DEF8: variants seen among roughly 807,000 people sequenced by gnomAD.
DEF8 encodes DEF-8.
In DEF8, 38 loss-of-function variants were observed where a neutral mutation model predicts 59.1. The ratio of observed to expected loss-of-function variants is 0.64; its 90% CI spans 0.50 to 0.84. The LOEUF is 0.84. DEF8 is among the 40% of genes least tolerant of loss of function. The probability of loss-of-function intolerance (pLI) is 0.00; values close to 1 mark genes in which losing one functional copy is unlikely to be tolerated. For synonymous variants in DEF8, 265 were observed against 250.1 expected, an observed-to-expected ratio of 1.06 and a Z score of -0.56; for missense variants, 557 against 615.2, an observed-to-expected ratio of 0.91 and a Z score of 1.00.
intron 2 of DEF8, chr16:89,952,720 G>T (rs573261666): frequency 1.3e-5 from 2 of 152,412 alleles, no homozygotes; most frequent in South Asian, 2.1e-4. Context: ...GCCCACTCAC[G>T]TTCCCTGTGT....
chr16:89,964,792 C>A (rs1255479228), intron 12 of DEF8, among the ~76,000 whole-genome samples: 1 of 152,338 alleles, frequency 6.6e-6, no homozygotes, highest in South Asian at 2.1e-4. Flanking sequence ...AGGAGCGGCA[C>A]CTGGGGGATG....
At chr16:89,955,106 C>T in intron 3 of DEF8, 63 bp from the exon 4 acceptor site, 1 of 1,350,916 alleles carries the variant, frequency 7.4e-7, no homozygotes, top group African/African-American at 1.4e-5. Flanking sequence ...TCAGCTCCTC[C>T]CTAGGGGATG....
Position 89,963,491 on chromosome 16 carries a change from T to C in DEF8, c.1002+48T>C, listed in dbSNP as rs9940377. On this transcript the variant is annotated intron_variant, in intron 10 of 12. Transcript: ENST00000563594. ...CCCCCGATGGGAAGCGCAGCCAGGG[T>C]GGTGAGGCACCTCAGGCTCAGGTTT... The C allele has an allele frequency of 4.0e-3, 6,194 of 1,550,540 alleles. 256 individuals carry two copies. In the African/African-American group the frequency reaches 0.076, roughly 19 times the overall value.
At chr16:89,961,922 G>A (rs2034074485) in intron 8 of DEF8, 58 bp downstream of exon 8, 1 of 1,601,016 alleles carries the variant, frequency 6.2e-7, no homozygotes, top group East Asian at 2.2e-5. Context: ...AGGGGGTTGG[G>A]GTGTGGAGCC....
chr16:89,965,927 G>C lies in DEF8; in HGVS notation c.1320G>C (p.Ser440=). The change falls in exon 13 of 13, where the codon TCG becomes TCC. Residue 440 remains serine, a synonymous_variant. Transcript: ENST00000563594. ...CCCGGCTCAGCCTGAGGAAGCAGTCGCTCTTCCAGGAGCCAGGTCCCGATG... is the reference window on the plus strand; with the variant it reads ...CCCGGCTCAGCCTGAGGAAGCAGTCCCTCTTCCAGGAGCCAGGTCCCGATG... ...KCARLSLRKQ[S]LFQEPGPDVE... 1.9e-6 allele frequency: 3 copies of C among 1,613,514 alleles called. No homozygotes were observed. The highest frequency in any genetic ancestry group is 2.5e-6 in the Non-Finnish European group (3 of 1,179,704).
In DEF8 at chr16:89,954,664, G is replaced by A. The variant is rs1054526439; in HGVS notation, c.124+288G>A. Among the ~76,000 whole-genome samples, 6 of 152,174 alleles carry A rather than the reference G, an allele frequency of 3.9e-5. No individual in the cohort carries two copies. In the East Asian group the frequency reaches 5.8e-4, roughly 15 times the overall value. On this transcript the variant is annotated intron_variant, in intron 3 of 12. Coordinates refer to ENST00000563594, the MANE Select transcript of DEF8 (RefSeq NM_001242818.2). This position sits in a 1 kb window ranked among gnomAD's most constrained non-coding sequence, Gnocchi z 4.3. The stretch of plus-strand genomic sequence containing the variant: ...GGAACACTTGCTGAGTGCGGTCAGC[G>A]CTGAGACCTGGTAAGGGAGAGGTTA...
At chr16:89,958,722 G>A (rs997144961) in intron 5 of DEF8, among the ~76,000 whole-genome samples, 7 of 152,212 alleles carry the variant, frequency 4.6e-5, no homozygotes, top group Non-Finnish European at 7.3e-5. Context: ...AGGCCGGGTC[G>A]CTCCCGCTCA....
rs200532672 is a variant in DEF8 at position 89,963,316 on chromosome 16, C to G, written c.922-47C>G. On this transcript the variant is annotated intron_variant, in intron 9 of 12. Coordinates refer to ENST00000563594, the MANE Select transcript of DEF8 (RefSeq NM_001242818.2). ...GGTGTGCGGCCCACACAGGGGCCGCCCTGTGTCCTGGCTGAGGAGGCCTGC... is the reference window on the plus strand; with the variant it reads ...GGTGTGCGGCCCACACAGGGGCCGCGCTGTGTCCTGGCTGAGGAGGCCTGC... 1.8e-5 allele frequency: 28 copies of G among 1,578,214 alleles called. No homozygotes were observed. The African/African-American group carries it at 3.5e-4, about 20-fold the overall frequency.
At chr16:89,958,953 G>A (rs1319138939) in intron 5 of DEF8, 61 bp from the exon 6 acceptor site, 16 of 1,588,330 alleles carry the variant, frequency 1.0e-5, no homozygotes, top group Middle Eastern at 2.2e-4. Context: ...GGGCTTGTGC[G>A]AAGGGAAAGG....
At position 89,966,959 on chromosome 16, in the gene DEF8, A is replaced by G. The variant is rs2034636240; in HGVS notation, c.*996A>G. ...CAAGAGAGCTGAGAGTATTCGCTCG[A>G]CTGAGCACATTCAGGAAGATCAGGG... is the stretch of plus-strand genomic sequence containing the variant. On this transcript the variant is annotated 3_prime_UTR_variant, in exon 13 of 13. Coordinates refer to ENST00000563594, the MANE Select transcript of DEF8 (RefSeq NM_001242818.2). The G allele has an allele frequency of 2.8e-5, 7 of 249,296 alleles. No homozygotes were observed. Among genetic ancestry groups the G allele is most frequent in the Non-Finnish European group, 3.8e-5 (5 of 131,226 alleles). The allele number at this position is 249,296 out of a possible 1,614,324, so 15.4% of individuals were successfully genotyped here.
chr16:89,960,927 C>A lies in DEF8; in HGVS notation c.515-4C>A. 1.9e-6 allele frequency: 3 copies of A among 1,612,974 alleles called. No individual in the cohort carries two copies. The highest frequency in any genetic ancestry group is 2.5e-6 in the Non-Finnish European group (3 of 1,179,656). ...TTTGAGAAGTGTGTGTCCCTCCACC[C>A]TAGGGTGTTATTACCGCTGTCACAG... On this transcript the variant is annotated splice_polypyrimidine_tract_variant and splice_region_variant and intron_variant, in intron 6 of 12. Coordinates refer to ENST00000563594, the MANE Select transcript of DEF8 (RefSeq NM_001242818.2).
At position 89,948,858 on chromosome 16, in the gene DEF8, G is replaced by A. The variant is rs557539711; in HGVS notation, c.-108+44G>A. 603 of 743,440 alleles carry A rather than the reference G, an allele frequency of 8.1e-4. 28 individuals carry two copies. In the African/African-American group the frequency reaches 0.019, roughly 23 times the overall value. The allele number at this position is 743,440 out of a possible 1,614,324, so 46.1% of individuals were successfully genotyped here. A position where few individuals can be genotyped will look rare whatever the true frequency, so the allele number is the denominator to read the frequency against. ...GCGGGGTCGGGGCCGGCGGGGACGG[G>A]GCCGGCGGGGACGGGGCCGGCGGGG... On this transcript the variant is annotated intron_variant, in intron 1 of 12. Coordinates refer to ENST00000563594, the MANE Select transcript of DEF8 (RefSeq NM_001242818.2).
chr16:89,961,981 G>A (rs1473288482), intron 8 of DEF8, 31 bp from the exon 9 acceptor site: 7 of 1,612,138 alleles, frequency 4.3e-6, no homozygotes, highest in Non-Finnish European at 5.9e-6. Flanking sequence ...CTGGGTGGGT[G>A]TGAGAGGTGT....
chr16:89,957,550 G>A lies in DEF8; in HGVS notation c.262G>A (p.Ala88Thr). The change falls in exon 5 of 13, where the codon GCG becomes ACG. Residue 88 changes from alanine (A) to threonine (T), a missense_variant. By Grantham distance (58) the Ala-to-Thr change is moderately conservative. Transcript: ENST00000563594. ...CTCTGACGTCCAGCAGCTGCGGCAG[G>A]CGATCGAGGAGTGCAAGCAGGTGAT... ...LASDVQQLRQ[A>T]IEECKQVILE... 1.9e-6 allele frequency: 3 copies of A among 1,593,000 alleles called. No homozygotes were observed. Among genetic ancestry groups the A allele is most frequent in the Non-Finnish European group, 2.6e-6 (3 of 1,170,452 alleles).
At chr16:89,960,188 C>A (rs988555762) in intron 6 of DEF8, among the ~76,000 whole-genome samples, 1 of 152,062 alleles carries the variant, frequency 6.6e-6, no homozygotes, top group African/African-American at 2.4e-5. Context: ...GCTGGACATA[C>A]TTGAGCTTTA....
chr16:89,964,839 C>A (rs895592753), intron 12 of DEF8, among the ~76,000 whole-genome samples: 1 of 152,248 alleles, frequency 6.6e-6, no homozygotes, highest in Non-Finnish European at 1.5e-5. Flanking sequence ...CCCGGACCAG[C>A]CCCTGAAACT....
chr16:89,949,349 A>C, intron 1 of DEF8, 68 bp from the exon 2 acceptor site: 1 of 1,307,124 alleles, frequency 7.7e-7, no homozygotes, highest in Non-Finnish European at 1.1e-6. Flanking sequence ...GGAGCCCGGG[A>C]GACCGGGCGA....
intron 2 of DEF8, among the ~76,000 whole-genome samples, chr16:89,953,990 G>A (rs995069960): frequency 5.3e-5 from 8 of 152,204 alleles, no homozygotes; most frequent in African/African-American, 1.2e-4. Context: ...GATGGGCCAC[G>A]TGCCCTCGTG....
At chr16:89,949,550 G>A (rs775594255) in intron 2 of DEF8, 37 bp downstream of exon 2, 6 of 1,613,296 alleles carry the variant, frequency 3.7e-6, no homozygotes, top group African/African-American at 1.3e-5. Context: ...TCCGCACACC[G>A]GGGTGACTTC....
Sources: allele counts gnomAD v4.1 joint callset (sites outside exome capture counted in the v4.1 genomes callset), GRCh38; gene constraint gnomAD v4.1.1; non-coding constraint Gnocchi (gnomAD v3.1); transcripts MANE v1.5; gene names NCBI Gene and HGNC (gene_info 2026-07-23, HGNC 2026-07-21).